CHRM3: variants seen among roughly 807,000 people sequenced by gnomAD.
CHRM3 encodes the protein cholinergic receptor muscarinic 3.
Under a neutral mutation model 41.8 loss-of-function variants are expected in CHRM3, and 11 were observed. That is an observed-to-expected ratio of 0.26 (90% CI 0.17 to 0.44). CHRM3 has a LOEUF of 0.44. CHRM3 is among the 20% of genes least tolerant of loss of function. CHRM3 has a pLI of 1.00. For missense variants in CHRM3, 571 were observed against 745.4 expected (o/e 0.77, Z 2.72); for synonymous variants, 297 against 301.4 (o/e 0.99, Z 0.15).
chr1:239,859,631 G>C (rs1242485015), intron 6 of CHRM3, among the ~76,000 whole-genome samples: 1 of 150,786 alleles, frequency 6.6e-6, no homozygotes, highest in African/African-American at 2.4e-5. Flanking sequence ...GGCCAAGCTG[G>C]TTTCAAACTC....
At chr1:239,649,364 G>A (rs898742508) in intron 4 of CHRM3, among the ~76,000 whole-genome samples, 1 of 152,162 alleles carries the variant, frequency 6.6e-6, no homozygotes, top group African/African-American at 2.4e-5. Flanking sequence ...AGAATCATGA[G>A]CGATACATTT....
chr1:239,484,466 T>G (rs1667059863), intron 1 of CHRM3, among the ~76,000 whole-genome samples: 1 of 152,142 alleles, frequency 6.6e-6, no homozygotes, highest in Non-Finnish European at 1.5e-5. Context: ...CATTGGAACA[T>G]GAGATTTGGA....
chr1:239,562,573 T>C (rs1660961728), intron 3 of CHRM3, among the ~76,000 whole-genome samples: 1 of 151,992 alleles, frequency 6.6e-6, no homozygotes, highest in Non-Finnish European at 1.5e-5. Flanking sequence ...ATGATGATGA[T>C]GATGATTATT....
At chr1:239,905,645 G>C (rs1232879014) in intron 6 of CHRM3, among the ~76,000 whole-genome samples, 1 of 152,146 alleles carries the variant, frequency 6.6e-6, no homozygotes, top group Non-Finnish European at 1.5e-5. Context: ...GGCAGAGGCT[G>C]CAGTGAGCCA....
At chr1:239,700,355 A>G (rs750666366) in intron 5 of CHRM3, among the ~76,000 whole-genome samples, 23 of 152,322 alleles carry the variant, frequency 1.5e-4, no homozygotes, top group Non-Finnish European at 2.9e-4. Flanking sequence ...ACGTTCAGTG[A>G]CAAGGAGCTC....
At chr1:239,436,540 G>A (rs111995593) in intron 1 of CHRM3, among the ~76,000 whole-genome samples, 2 of 151,932 alleles carry the variant, frequency 1.3e-5, no homozygotes, top group African/African-American at 2.4e-5. Context: ...CCTTTGAATC[G>A]CCGGCTCTGC....
chr1:239,413,496 C>A (rs957021267), intron 1 of CHRM3, among the ~76,000 whole-genome samples: 3 of 152,114 alleles, frequency 2.0e-5, no homozygotes, highest in African/African-American at 7.2e-5. Flanking sequence ...CCATGTTGGC[C>A]AGGCTGGTCT....
At chr1:239,840,520 C>G (rs1673707052) in intron 6 of CHRM3, among the ~76,000 whole-genome samples, 1 of 152,090 alleles carries the variant, frequency 6.6e-6, no homozygotes, top group Non-Finnish European at 1.5e-5. Flanking sequence ...AGAAAATGAC[C>G]ATTAGTGTCA....
chr1:239,617,866 T>C (rs6690612), intron 3 of CHRM3, among the ~76,000 whole-genome samples: 41,359 of 152,032 alleles, frequency 0.27, 6,618 homozygotes, highest in African/African-American at 0.44. Flanking sequence ...ACAGTCTGTA[T>C]GTAAGATGAC....
rs542379594 is a variant in CHRM3 at position 239,565,924 on chromosome 1, T to C, written c.-313+20175T>C. Among the ~76,000 whole-genome samples, 5 of 148,916 alleles carry C rather than the reference T, an allele frequency of 3.4e-5. No individual in the cohort carries two copies. In the South Asian group the frequency reaches 1.1e-3, roughly 32 times the overall value. ...GCATCTTTTTTCTTTTTTTTTTTTTTTTTTTTTGAGACAGGTCTCCCACTC... is the reference window on the plus strand; with the variant it reads ...GCATCTTTTTTCTTTTTTTTTTTTTCTTTTTTTGAGACAGGTCTCCCACTC... On this transcript the variant is annotated intron_variant, in intron 3 of 6. Transcript: ENST00000676153.
chr1:239,730,334 T>A (rs1351368613), intron 5 of CHRM3: 2 of 151,978 alleles, frequency 1.3e-5, no homozygotes, highest in Non-Finnish European at 2.9e-5. Flanking sequence ...GGGAATGCAG[T>A]GTCAAAGACA....
At chr1:239,684,310 A>G (rs1658860353) in intron 5 of CHRM3, among the ~76,000 whole-genome samples, 1 of 152,136 alleles carries the variant, frequency 6.6e-6, no homozygotes, top group African/African-American at 2.4e-5. Flanking sequence ...GTCCCCCACA[A>G]CAAAGAATTA....
At chr1:239,450,687 A>G (rs1664495677) in intron 1 of CHRM3, among the ~76,000 whole-genome samples, 1 of 152,216 alleles carries the variant, frequency 6.6e-6, no homozygotes, top group African/African-American at 2.4e-5. Flanking sequence ...CTTTTGAAAT[A>G]TATTGCCAAA....
In CHRM3 at chr1:239,734,407, T is replaced by C. The variant is rs1263386193; in HGVS notation, c.-147+56119T>C. 4.6e-5 allele frequency among the ~76,000 whole-genome samples: 7 copies of C among 152,152 alleles called. 1 individual carries two copies. Among genetic ancestry groups the C allele is most frequent in the Admixed American group, 3.3e-4 (5 of 15,262 alleles). The stretch of plus-strand genomic sequence containing the variant: ...AATATTCACAATTAATTGAAACATA[T>C]TAAGTGTGTTAAAATTCCATGGATT... On this transcript the variant is annotated intron_variant, in intron 5 of 6. Coordinates refer to ENST00000676153, the MANE Select transcript of CHRM3 (RefSeq NM_001375978.1).
chr1:239,785,725 C>A (rs955368636), intron 5 of CHRM3, among the ~76,000 whole-genome samples: 1 of 151,900 alleles, frequency 6.6e-6, no homozygotes, highest in African/African-American at 2.4e-5. Context: ...CTGGGATTGA[C>A]AAGGGTTAGT....
chr1:239,845,955 T>A (rs1674228276), intron 6 of CHRM3, among the ~76,000 whole-genome samples: 1 of 152,206 alleles, frequency 6.6e-6, no homozygotes, highest in Non-Finnish European at 1.5e-5. Flanking sequence ...AAGTTTGGTA[T>A]AGAGTAATTT....
chr1:239,766,949 C>T lies in CHRM3; in HGVS notation c.-146-60303C>T, dbSNP rs1356478445. ...CTGGTCTCGAACTCCTGACCTCAGT[C>T]GATCCACCCGCCTCAGCCTCCCAAA... On this transcript the variant is annotated intron_variant, in intron 5 of 6. Transcript: ENST00000676153. 2.0e-5 allele frequency among the ~76,000 whole-genome samples: 3 copies of T among 151,954 alleles called. No homozygotes were observed. In the East Asian group the frequency reaches 5.8e-4, roughly 29 times the overall value.
intron 2 of CHRM3, among the ~76,000 whole-genome samples, chr1:239,544,724 A>C (rs1471268277): frequency 6.6e-6 from 1 of 152,218 alleles, no homozygotes; most frequent in Non-Finnish European, 1.5e-5. Context: ...ATCTCACTTT[A>C]TATCTATCTT....
chr1:239,442,704 A>G (rs1663826459), intron 1 of CHRM3, among the ~76,000 whole-genome samples: 5 of 152,202 alleles, frequency 3.3e-5, no homozygotes, highest in Admixed American at 3.3e-4. Context: ...CTGATGACCC[A>G]GGTCTTATTT....
Sources: gnomAD v4.1 joint callset for allele counts (sites outside exome capture counted in the v4.1 genomes callset) on GRCh38, gnomAD v4.1.1 for gene constraint, MANE v1.5 for transcripts, NCBI Gene and HGNC (gene_info 2026-07-23, HGNC 2026-07-21) for gene names.